CD2AP: variants seen among roughly 807,000 people sequenced by gnomAD.
The protein encoded by CD2AP is CD2-associated protein.
In CD2AP, 46 loss-of-function variants were observed where a neutral mutation model predicts 85.1. The ratio of observed to expected loss-of-function variants is 0.54; its 90% CI spans 0.43 to 0.69. CD2AP has a LOEUF of 0.69. Among genes scored for constraint, CD2AP ranks in the 30% least tolerant of loss-of-function variants. The probability of loss-of-function intolerance (pLI) is 0.00; values close to 1 mark genes in which losing one functional copy is unlikely to be tolerated. For missense variants in CD2AP, 769 were observed against 729.5 expected, an observed-to-expected ratio of 1.05 and a Z score of -0.62; for synonymous variants, 255 against 252.9, an observed-to-expected ratio of 1.01 and a Z score of -0.08.
In CD2AP at chr6:47,574,260, G is replaced by C. The variant is rs771234513; in HGVS notation, c.729+9G>C. 1 of 1,611,754 alleles carries C rather than the reference G, an allele frequency of 6.2e-7. No individual in the cohort carries two copies. The highest frequency in any genetic ancestry group is 8.5e-7 in the Non-Finnish European group (1 of 1,178,058). Reference sequence around the variant, plus strand: ...AGAAAAAACCAGAAAAGGTGGTAATGATGGACTTGTTAGATTAACTCCACT... The same window carrying C: ...AGAAAAAACCAGAAAAGGTGGTAATCATGGACTTGTTAGATTAACTCCACT... On this transcript the variant is annotated intron_variant, in intron 6 of 17. Coordinates refer to ENST00000359314, the MANE Select transcript of CD2AP (RefSeq NM_012120.3).
At chr6:47,612,440 A>G in intron 16 of CD2AP, 33 bp from the exon 17 acceptor site, 1 of 1,421,378 alleles carries the variant, frequency 7.0e-7, no homozygotes, top group South Asian at 1.2e-5. Flanking sequence ...ATTTAATCGA[A>G]AGACTTAACA....
Position 47,506,968 on chromosome 6 carries a change from T to G in CD2AP, c.165+3528T>G, listed in dbSNP as rs1766189877. On this transcript the variant is annotated intron_variant, in intron 2 of 17. Transcript: ENST00000359314. ...CTGTTTGATAGCATTTTACTCATAG[T>G]AGATCTTTCAAAATTGTAGTCAGTC... is the stretch of plus-strand genomic sequence containing the variant. 2.6e-5 allele frequency among the ~76,000 whole-genome samples: 4 copies of G among 152,378 alleles called. No individual in the cohort carries two copies. In the South Asian group the frequency reaches 8.3e-4, roughly 32 times the overall value.
intron 3 of CD2AP, 80 bp from the exon 4 acceptor site, chr6:47,544,526 G>A (rs959658120): frequency 3.1e-5 from 28 of 891,836 alleles, no homozygotes; most frequent in Middle Eastern, 3.0e-4. Context: ...TAAGTCCTGT[G>A]ACTAAACATG....
At chr6:47,528,697 T>G (rs1766791093) in intron 2 of CD2AP, among the ~76,000 whole-genome samples, 1 of 152,168 alleles carries the variant, frequency 6.6e-6, no homozygotes, top group African/African-American at 2.4e-5. Context: ...ACCTACTGAT[T>G]TTTTAGTCAC....
chr6:47,520,520 A>G (rs1013625956), intron 2 of CD2AP, among the ~76,000 whole-genome samples: 5 of 151,940 alleles, frequency 3.3e-5, no homozygotes, highest in Middle Eastern at 3.4e-3. Context: ...CAGCAGGGGG[A>G]AGGAAGGTGT....
chr6:47,620,217 C>A (rs1769707752), intron 17 of CD2AP, among the ~76,000 whole-genome samples: 1 of 152,074 alleles, frequency 6.6e-6, no homozygotes, highest in Admixed American at 6.6e-5. Context: ...GTCCTTAATC[C>A]ATCTTGAGTT....
At chr6:47,519,703 A>G (rs564643906) in intron 2 of CD2AP, among the ~76,000 whole-genome samples, 1 of 152,332 alleles carries the variant, frequency 6.6e-6, no homozygotes, top group Admixed American at 6.5e-5. Context: ...AGAACTGCCC[A>G]TTCATATCTG....
chr6:47,554,805 A>G, intron 5 of CD2AP, 39 bp downstream of exon 5: 1 of 1,518,838 alleles, frequency 6.6e-7, no homozygotes. Context: ...ATTTAAATAA[A>G]CTTTATATAG....
intron 2 of CD2AP, among the ~76,000 whole-genome samples, chr6:47,524,840 T>G (rs1766680396): frequency 6.6e-6 from 1 of 152,194 alleles, no homozygotes; most frequent in Non-Finnish European, 1.5e-5. Context: ...TTTAGAAACT[T>G]TCAAAGTAGG....
At chr6:47,562,687 G>A (rs981826780) in intron 5 of CD2AP, 9 of 642,380 alleles carry the variant, frequency 1.4e-5, no homozygotes, top group East Asian at 7.8e-5. Flanking sequence ...GGGAGGTTCA[G>A]AAGACCACCC....
At chr6:47,560,918 A>G (rs1442617298) in intron 5 of CD2AP, among the ~76,000 whole-genome samples, 1 of 152,122 alleles carries the variant, frequency 6.6e-6, no homozygotes, top group Non-Finnish European at 1.5e-5. Context: ...TTCTAATACC[A>G]TCATCCCTTC....
intron 5 of CD2AP, among the ~76,000 whole-genome samples, chr6:47,565,888 C>A (rs1284646634): frequency 6.6e-6 from 1 of 152,188 alleles, no homozygotes; most frequent in African/African-American, 2.4e-5. Context: ...TTCACTTAGA[C>A]TAAAAGCCAA....
At chr6:47,595,339 TA>T (rs1301265375) in intron 11 of CD2AP, among the ~76,000 whole-genome samples, 1 of 152,048 alleles carries the variant, frequency 6.6e-6, no homozygotes, top group Non-Finnish European at 1.5e-5. Flanking sequence ...TATAAGCCTA[TA>T]ATTCTCTCGT....
At chr6:47,528,252 G>A (rs1562017238) in intron 2 of CD2AP, among the ~76,000 whole-genome samples, 2 of 152,168 alleles carry the variant, frequency 1.3e-5, no homozygotes, top group Non-Finnish European at 2.9e-5. Flanking sequence ...TTGGCTCACT[G>A]CAACCTCCGC....
intron 11 of CD2AP, among the ~76,000 whole-genome samples, chr6:47,590,163 C>G (rs1768752359): frequency 6.6e-6 from 1 of 151,666 alleles, no homozygotes; most frequent in Non-Finnish European, 1.5e-5. Flanking sequence ...GGAACCTGGC[C>G]TTTAGGGGAT....
chr6:47,554,250 T>A (rs1464980839), intron 4 of CD2AP, among the ~76,000 whole-genome samples: 1 of 152,102 alleles, frequency 6.6e-6, no homozygotes, highest in Non-Finnish European at 1.5e-5. Flanking sequence ...TTTTTTCAAA[T>A]AAAAAATTTC....
Position 47,624,432 on chromosome 6 carries a change from C to A in CD2AP, c.*205C>A. The A allele has an allele frequency of 1.8e-6, 1 of 548,628 alleles. No individual in the cohort carries two copies. The highest frequency in any genetic ancestry group is 1.9e-5 in the African/African-American group (1 of 52,944). The allele number at this position is 548,628 out of a possible 1,614,324, so 34.0% of individuals were successfully genotyped here. On this transcript the variant is annotated 3_prime_UTR_variant, in exon 18 of 18. Coordinates refer to ENST00000359314, the MANE Select transcript of CD2AP (RefSeq NM_012120.3). The stretch of plus-strand genomic sequence containing the variant: ...ATATGAAGAAAAAGAGGCCTTATTT[C>A]TTAACTGTGCTGGGATTGCAAACAC...
At chr6:47,540,988 T>A (rs1427699463) in intron 3 of CD2AP, among the ~76,000 whole-genome samples, 1 of 152,164 alleles carries the variant, frequency 6.6e-6, no homozygotes, top group Non-Finnish European at 1.5e-5. Flanking sequence ...AGATGAGAAG[T>A]TTTCCTATAG....
At chr6:47,574,757 T>G (rs1362022538) in intron 6 of CD2AP, among the ~76,000 whole-genome samples, 2 of 152,030 alleles carry the variant, frequency 1.3e-5, no homozygotes, top group African/African-American at 4.8e-5. Flanking sequence ...AGTATTTTAT[T>G]TCATTAGCAT....
Sources: gnomAD v4.1 joint callset for allele counts (sites outside exome capture counted in the v4.1 genomes callset) on GRCh38, gnomAD v4.1.1 for gene constraint, MANE v1.5 for transcripts, NCBI Gene and HGNC (gene_info 2026-07-23, HGNC 2026-07-21) for gene names.